The following CPO variants were observed in gnomAD, a reference collection of about 807,000 sequenced individuals.
CPO encodes carboxypeptidase O.
Under a neutral mutation model 41.2 loss-of-function variants are expected in CPO, and 43 were observed. The observed-to-expected ratio is 1.04, with a 90% CI of 0.82 to 1.35. The LOEUF is 1.35. Among genes scored for constraint, CPO ranks in the 40% most tolerant of loss-of-function variants. The pLI, the probability that CPO is intolerant of heterozygous loss-of-function variation, is 0.00. For missense variants in CPO, 408 were observed against 451.7 expected (o/e 0.90, Z 0.88); for synonymous variants, 178 against 162.7 (o/e 1.09, Z -0.72).
At chr2:206,958,057 G>GGTA (rs901725839) in intron 3 of CPO, among the ~76,000 whole-genome samples, 9 of 152,156 alleles carry the variant, frequency 5.9e-5, no homozygotes, top group African/African-American at 2.2e-4. Flanking sequence ...TTCTTTGGGT[G>GGTA]GGTACTATGG....
chr2:206,942,422 T>G (rs1693046762), intron 1 of CPO, among the ~76,000 whole-genome samples: 1 of 152,100 alleles, frequency 6.6e-6, no homozygotes, highest in South Asian at 2.1e-4. Flanking sequence ...ATGTTAATTT[T>G]GTAAGCAGAA....
Position 206,969,202 on chromosome 2 carries a change from G to A in CPO, c.891G>A (p.Trp297Ter). The A allele has an allele frequency of 6.2e-7, 1 of 1,614,106 alleles. No homozygotes were observed. The highest frequency in any genetic ancestry group is 2.2e-5 in the East Asian group (1 of 44,874). Residue 297 changes from tryptophan to a stop codon, truncating the protein, a stop_gained, in exon 9 of 9, where the codon TGG (tryptophan) becomes TGA (stop). Coordinates refer to ENST00000272852, the MANE Select transcript of CPO (RefSeq NM_173077.3). LOFTEE classifies it low-confidence loss of function (END_TRUNC). ...CCTCATCAGGGTCTTCAAGAGATTG[G>A]GCCCGAGACATTGGGATTCCCTTCT... Reference protein sequence around the residue: ...LYASSGSSRDWARDIGIPFSY... With the variant: ...LYASSGSSRD
At chr2:206,943,717 TG>T (rs1559068365) in intron 1 of CPO, among the ~76,000 whole-genome samples, 136 of 68,800 alleles carry the variant, frequency 2.0e-3, no homozygotes, top group Admixed American at 2.8e-3. Flanking sequence ...GATAGATAGA[TG>T]ATGGATAGAT....
rs1461166624 is a variant in CPO at position 206,958,403 on chromosome 2, G to A, written c.370G>A (p.Glu124Lys). The change falls in exon 4 of 9, where the codon GAA becomes AAA. Residue 124 changes from glutamate to lysine, a missense_variant and splice_region_variant. By Grantham distance (56) the Glu-to-Lys change is moderately conservative. Coordinates refer to ENST00000272852, the MANE Select transcript of CPO (RefSeq NM_173077.3). ...TGCTTTTTGCCAATGGTTCGTCAAAGAAGTAAGTGTCTTTAGCTTTCTCAT... is the reference window on the plus strand; with the variant it reads ...TGCTTTTTGCCAATGGTTCGTCAAAAAAGTAAGTGTCTTTAGCTTTCTCAT... ...APAFCQWFVK[E>K]ILQNHKDNSS... The A allele has an allele frequency of 1.3e-6, 2 of 1,553,196 alleles. No individual in the cohort carries two copies. The highest frequency in any genetic ancestry group is 1.4e-5 in the African/African-American group (1 of 73,372).
intron 1 of CPO, among the ~76,000 whole-genome samples, chr2:206,944,932 G>A (rs1437150599): frequency 2.0e-5 from 3 of 151,998 alleles, no homozygotes; most frequent in African/African-American, 4.8e-5. Flanking sequence ...ATTGTTTGAG[G>A]ATAATACTAG....
chr2:206,943,728 T>TA lies in CPO; in HGVS notation c.68+4061_68+4062insA, dbSNP rs1410767599. On this transcript the variant is annotated intron_variant, in intron 1 of 8. Coordinates refer to ENST00000272852, the MANE Select transcript of CPO (RefSeq NM_173077.3). The stretch of plus-strand genomic sequence containing the variant: ...GATAGATAGATAGATGATGGATAGA[T>TA]GATAGATAGATAGATAGATAGATAG... Among the ~76,000 whole-genome samples the TA allele has an allele frequency of 6.6e-3, 813 of 122,916 alleles. 12 individuals carry two copies. The highest frequency in any genetic ancestry group is 0.013 in the East Asian group (52 of 4,108). The allele number at this position is 122,916 out of a possible 152,430, so 80.6% of individuals were successfully genotyped here.
chr2:206,954,518 G>A (rs182775093), intron 2 of CPO, among the ~76,000 whole-genome samples: 36 of 152,206 alleles, frequency 2.4e-4, no homozygotes, highest in African/African-American at 8.7e-4. Flanking sequence ...GCCATTCAAC[G>A]AGTCTCTAGG....
chr2:206,955,995 T>C (rs1693350420), intron 3 of CPO, among the ~76,000 whole-genome samples: 1 of 152,218 alleles, frequency 6.6e-6, no homozygotes, highest in Non-Finnish European at 1.5e-5. Context: ...CTTCCTTTTA[T>C]GGTTAAGGGA....
intron 1 of CPO, among the ~76,000 whole-genome samples, chr2:206,942,654 G>C (rs1693051156): frequency 2.6e-5 from 4 of 151,974 alleles, no homozygotes. Context: ...ATGAATTCCT[G>C]TTCAAAAAGA....
chr2:206,940,539 C>T (rs971165040), intron 1 of CPO, among the ~76,000 whole-genome samples: 2 of 151,816 alleles, frequency 1.3e-5, no homozygotes, highest in African/African-American at 4.8e-5. Context: ...TTATAAATTG[C>T]CCATTAATGT....
At chr2:206,967,364 T>G (rs1164213009) in intron 7 of CPO, among the ~76,000 whole-genome samples, 1 of 139,890 alleles carries the variant, frequency 7.1e-6, no homozygotes, top group African/African-American at 2.9e-5. Flanking sequence ...TATATAGATA[T>G]AGATATAGAT....
chr2:206,967,343 A>C (rs1330477248), intron 7 of CPO, among the ~76,000 whole-genome samples: 6 of 77,100 alleles, frequency 7.8e-5, no homozygotes, highest in East Asian at 3.4e-4. Context: ...ATATATATAT[A>C]TATATATAGA....
Position 206,969,345 on chromosome 2 carries a change from A to T in CPO, c.1034A>T (p.Tyr345Phe), listed in dbSNP as rs781749828. Residue 345 changes from tyrosine to phenylalanine, a missense_variant, in exon 9 of 9, where the codon TAT becomes TTT. Tyr to Phe is a conservative substitution (Grantham distance 22). Coordinates refer to ENST00000272852, the MANE Select transcript of CPO (RefSeq NM_173077.3). ...EAVLSVLDDV[Y>F]AKHWHSDSAG... ...GTGCTGTCAGTCCTGGATGATGTGT[A>T]TGCGAAACACTGGCACTCGGACAGT... The T allele has an allele frequency of 1.2e-6, 2 of 1,614,052 alleles. No homozygotes were observed. Among genetic ancestry groups the T allele is most frequent in the South Asian group, 1.1e-5 (1 of 91,074 alleles).
intron 5 of CPO, 89 bp from the exon 6 acceptor site, chr2:206,960,763 T>C: frequency 3.2e-6 from 3 of 923,352 alleles, no homozygotes; most frequent in Non-Finnish European, 5.3e-6. Context: ...CTAGGAAACA[T>C]TTTTCATGTT....
At chr2:206,968,227 A>C in intron 7 of CPO, 36 bp from the exon 8 acceptor site, 1 of 1,346,262 alleles carries the variant, frequency 7.4e-7, no homozygotes. Context: ...TTTATTTTAA[A>C]CACCAGATAT....
intron 7 of CPO, among the ~76,000 whole-genome samples, chr2:206,967,641 G>A (rs533256284): frequency 6.6e-6 from 1 of 152,274 alleles, no homozygotes; most frequent in Non-Finnish European, 1.5e-5. Context: ...GGGTAAGGCT[G>A]AGGAATGGTA....
chr2:206,964,810 G>A (rs1693543078), intron 7 of CPO, among the ~76,000 whole-genome samples: 1 of 152,190 alleles, frequency 6.6e-6, no homozygotes, highest in African/African-American at 2.4e-5. Flanking sequence ...AATCTCCGAA[G>A]ACAGGTAATT....
At chr2:206,964,400 C>T (rs1454892501) in intron 7 of CPO, among the ~76,000 whole-genome samples, 1 of 152,058 alleles carries the variant, frequency 6.6e-6, no homozygotes, top group African/African-American at 2.4e-5. Context: ...CTCCTTTGAC[C>T]CTCATGATAA....
chr2:206,942,899 C>T (rs1693055196), intron 1 of CPO, among the ~76,000 whole-genome samples: 2 of 152,160 alleles, frequency 1.3e-5, no homozygotes, highest in African/African-American at 4.8e-5. Flanking sequence ...AAGTGATAAG[C>T]ATTTTTAATA....
Sources: gnomAD v4.1 joint callset for allele counts (sites outside exome capture counted in the v4.1 genomes callset) on GRCh38, gnomAD v4.1.1 for gene constraint, MANE v1.5 for transcripts, NCBI Gene and HGNC (gene_info 2026-07-23, HGNC 2026-07-21) for gene names.